The following ZRANB3 variants were observed in gnomAD, a reference collection of about 807,000 sequenced individuals.
The protein encoded by ZRANB3 is zinc finger RANBP2-type containing 3, also known as DNA annealing helicase and endonuclease ZRANB3.
Under a neutral mutation model 133.8 loss-of-function variants are expected in ZRANB3, and 125 were observed. The observed-to-expected ratio is 0.93, with a 90% confidence interval of 0.81 to 1.08. The LOEUF (loss-of-function observed/expected upper bound fraction) is 1.08, where lower values mean the gene tolerates loss of function less well. Ranked by LOEUF, ZRANB3 falls within the 50% of genes least tolerant of loss-of-function variation. ZRANB3 has a pLI of 0.00. For missense variants in ZRANB3, 1,229 were observed against 1,275.5 expected (o/e 0.96, Z 0.56); for synonymous variants, 387 against 432.7 (o/e 0.89, Z 1.31).
At chr2:135,272,101 A>G (rs1680545254) in intron 9 of ZRANB3, among the ~76,000 whole-genome samples, 1 of 152,184 alleles carries the variant, frequency 6.6e-6, no homozygotes, top group Non-Finnish European at 1.5e-5. Flanking sequence ...AAGCTACTTG[A>G]GGGTAGAGTC....
intron 2 of ZRANB3, among the ~76,000 whole-genome samples, chr2:135,393,642 T>A (rs902398751): frequency 6.6e-6 from 1 of 152,034 alleles, no homozygotes; most frequent in African/African-American, 2.4e-5. Flanking sequence ...GAAACCAAGT[T>A]TCAGGATGGA....
intron 5 of ZRANB3, among the ~76,000 whole-genome samples, chr2:135,348,549 G>A (rs1685052116): frequency 6.6e-6 from 1 of 152,090 alleles, no homozygotes; most frequent in Admixed American, 6.5e-5. Flanking sequence ...ATAAGTAGAT[G>A]AGTATTCATT....
At chr2:135,350,298 C>G in intron 4 of ZRANB3, 83 bp from the exon 5 acceptor site, 2 of 984,164 alleles carry the variant, frequency 2.0e-6, no homozygotes, top group Non-Finnish European at 3.0e-6. Context: ...GGAAAAAATA[C>G]AGAGGAGAAG....
At chr2:135,376,937 A>G (rs1234807493) in intron 3 of ZRANB3, among the ~76,000 whole-genome samples, 1 of 152,224 alleles carries the variant, frequency 6.6e-6, no homozygotes, top group Non-Finnish European at 1.5e-5. Context: ...TCCTCACTGG[A>G]GGATGTGGGG....
chr2:135,308,321 A>C (rs1489402805), intron 8 of ZRANB3, among the ~76,000 whole-genome samples: 2 of 152,110 alleles, frequency 1.3e-5, no homozygotes, highest in African/African-American at 4.8e-5. Context: ...GAAGCAGTCC[A>C]TCATGGACTA....
intron 8 of ZRANB3, among the ~76,000 whole-genome samples, chr2:135,291,336 C>A (rs1681715738): frequency 6.6e-6 from 1 of 151,942 alleles, no homozygotes; most frequent in Non-Finnish European, 1.5e-5. Context: ...GCGTGTGCCA[C>A]CACACCTAGC....
At chr2:135,338,620 T>C (rs1371416147) in intron 6 of ZRANB3, among the ~76,000 whole-genome samples, 11 of 152,222 alleles carry the variant, frequency 7.2e-5, no homozygotes, top group Non-Finnish European at 1.0e-4. Flanking sequence ...AACACAATTT[T>C]CTGTAATTTC....
intron 3 of ZRANB3, among the ~76,000 whole-genome samples, chr2:135,358,635 A>C (rs575174198): frequency 1.3e-5 from 2 of 152,294 alleles, no homozygotes; most frequent in African/African-American, 4.8e-5. Context: ...AGAAATATGA[A>C]GTCATTTTAA....
Position 135,217,464 on chromosome 2 carries a change from C to A in ZRANB3, c.2495+1G>T, listed in dbSNP as rs1694358413. On this transcript the variant is annotated splice_donor_variant, in intron 17 of 20. Coordinates refer to ENST00000264159, the MANE Select transcript of ZRANB3 (RefSeq NM_032143.4). LOFTEE classifies it high-confidence loss of function. ...AAAATTTAAAAAAAGACAACTCATA[C>A]CTTTTGGTGCAATTTTGTTTGGTTT... The A allele has an allele frequency of 1.9e-6, 3 of 1,603,120 alleles. No homozygotes were observed. The highest frequency in any genetic ancestry group is 1.3e-5 in the African/African-American group (1 of 74,362).
intron 18 of ZRANB3, 65 bp from the exon 19 acceptor site, chr2:135,207,901 A>T (rs1693946484): frequency 6.9e-7 from 1 of 1,456,144 alleles, no homozygotes; most frequent in Non-Finnish European, 9.2e-7. Flanking sequence ...TAATTGCTTC[A>T]TATAAAGGTT....
intron 6 of ZRANB3, among the ~76,000 whole-genome samples, chr2:135,331,496 G>GT (rs1371861647): frequency 1.3e-5 from 2 of 152,118 alleles, no homozygotes; most frequent in African/African-American, 4.8e-5. Context: ...CAATATTAGA[G>GT]TAAGTGTGAT....
At chr2:135,488,086 T>C (rs915607385) in intron 2 of ZRANB3, among the ~76,000 whole-genome samples, 2 of 152,164 alleles carry the variant, frequency 1.3e-5, no homozygotes, top group African/African-American at 4.8e-5. Context: ...ACTGACCTAA[T>C]TTCAATATTG....
rs567048713 is a variant in ZRANB3 at position 135,367,117 on chromosome 2, C to A, written c.181-13489G>T. ...TCCAACTCTGCTTTGTAAAAATGGC[C>A]GTGCAAATATGTGCTAATTACCTTG... is the stretch of plus-strand genomic sequence containing the variant. On this transcript the variant is annotated intron_variant, in intron 3 of 20. Coordinates refer to ENST00000264159, the MANE Select transcript of ZRANB3 (RefSeq NM_032143.4). 2.8e-3 allele frequency among the ~76,000 whole-genome samples: 420 copies of A among 152,246 alleles called. 3 individuals carry two copies. Among genetic ancestry groups the A allele is most frequent in the Admixed American group, 1.6e-3 (25 of 15,290 alleles).
At chr2:135,328,275 C>T (rs1176203410) in intron 6 of ZRANB3, among the ~76,000 whole-genome samples, 1 of 139,070 alleles carries the variant, frequency 7.2e-6, no homozygotes, top group Non-Finnish European at 1.5e-5. Context: ...TCCAAGCATT[C>T]TCACTGTTCA....
chr2:135,444,237 T>C lies in ZRANB3; in HGVS notation c.162-53417A>G, dbSNP rs537909747. On this transcript the variant is annotated intron_variant, in intron 2 of 20. Coordinates refer to ENST00000264159, the MANE Select transcript of ZRANB3 (RefSeq NM_032143.4). ...TTGTCTTAGGAGGTTATATAATATA[T>C]ACAGTTAACATACAACCCAGTAATC... Among the ~76,000 whole-genome samples the C allele has an allele frequency of 1.1e-4, 17 of 152,270 alleles. No homozygotes were observed. The South Asian group carries it at 1.2e-3, about 11-fold the overall frequency.
At chr2:135,328,223 AC>A (rs1028919301) in intron 6 of ZRANB3, among the ~76,000 whole-genome samples, 1 of 27,362 alleles carries the variant, frequency 3.7e-5, no homozygotes, top group Non-Finnish European at 8.0e-5. Context: ...CCAGGCCCCC[AC>A]CCCCCAACAG....
Position 135,378,951 on chromosome 2 carries a change from C to T in ZRANB3, c.180+11851G>A, listed in dbSNP as rs187233444. Among the ~76,000 whole-genome samples the T allele has an allele frequency of 2.2e-3, 333 of 152,106 alleles. 3 individuals are homozygous for T. Among genetic ancestry groups the T allele is most frequent in the Non-Finnish European group, 7.6e-4 (52 of 67,988 alleles). On this transcript the variant is annotated intron_variant, in intron 3 of 20. Coordinates refer to ENST00000264159, the MANE Select transcript of ZRANB3 (RefSeq NM_032143.4). ...AGTAATGTGTTTCCTGGATGGAATC[C>T]TAGTTTTATTTTTATTTATATATTT... is the stretch of plus-strand genomic sequence containing the variant.
Position 135,405,094 on chromosome 2 carries a change from A to G in ZRANB3, c.162-14274T>C, listed in dbSNP as rs1346965209. On this transcript the variant is annotated intron_variant, in intron 2 of 20. Coordinates refer to ENST00000264159, the MANE Select transcript of ZRANB3 (RefSeq NM_032143.4). ...AAACCCATCTTACGTGCAGAGACAC[A>G]CATAGGCTCAAAATAAAGGGATGGA... Among the ~76,000 whole-genome samples, 26 of 152,224 alleles carry G rather than the reference A, an allele frequency of 1.7e-4. 1 individual carries two copies.
intron 8 of ZRANB3, among the ~76,000 whole-genome samples, chr2:135,282,181 T>G (rs1681127860): frequency 6.6e-6 from 1 of 152,200 alleles, no homozygotes; most frequent in African/African-American, 2.4e-5. Context: ...TTGTGATAGT[T>G]GATTTACTTA....
Sources: allele counts gnomAD v4.1 joint callset (sites outside exome capture counted in the v4.1 genomes callset), GRCh38; gene constraint gnomAD v4.1.1; transcripts MANE v1.5; gene names NCBI Gene and HGNC (gene_info 2026-07-23, HGNC 2026-07-21).